The following DMD variants were observed in gnomAD, a reference collection of about 807,000 sequenced individuals.
The protein encoded by DMD is mutant dystrophin.
In DMD, 63 loss-of-function variants were observed where a neutral mutation model predicts 330.1. The observed-to-expected ratio is 0.19, with a 90% CI of 0.16 to 0.24. The LOEUF (loss-of-function observed/expected upper bound fraction) is 0.24, where lower values mean the gene tolerates loss of function less well. Ranked by LOEUF, DMD falls within the 10% of genes least tolerant of loss-of-function variation. DMD has a pLI of 1.00. For synonymous variants in DMD, 1,223 were observed against 959.8 expected, an observed-to-expected ratio of 1.27 and a Z score of -5.07; for missense variants, 3,344 against 2,684.1, an observed-to-expected ratio of 1.25 and a Z score of -5.43.
At chrX:32,180,386 C>G (rs1174614253) in intron 44 of DMD, among the ~76,000 whole-genome samples, 1 of 111,481 alleles carries the variant, frequency 9.0e-6, no homozygotes, top group African/African-American at 3.3e-5. Context: ...GAAATACAGA[C>G]CTGGTTTGGA....
intron 44 of DMD, among the ~76,000 whole-genome samples, chrX:32,171,925 G>GA (rs933968948): frequency 1.8e-5 from 2 of 111,114 alleles, no homozygotes; most frequent in Admixed American, 9.6e-5. Flanking sequence ...GATCATTAAA[G>GA]AAAAAAATCA....
At chrX:32,190,384 G>A (rs1316574627) in intron 44 of DMD, among the ~76,000 whole-genome samples, 9 of 107,983 alleles carry the variant, frequency 8.3e-5, no homozygotes, top group African/African-American at 2.7e-4. Flanking sequence ...ATGCTATACC[G>A]CCTGTGCCTT....
At chrX:32,096,490 A>G (rs946805075) in intron 44 of DMD, among the ~76,000 whole-genome samples, 3 of 111,306 alleles carry the variant, frequency 2.7e-5, no homozygotes, top group East Asian at 5.6e-4. Context: ...GGCCATGCTT[A>G]GGAGACACTG....
At position 32,296,189 on chromosome X, in the gene DMD, C is replaced by T. The variant is rs182600300; in HGVS notation, c.6118-8488G>A. 3.3e-4 allele frequency among the ~76,000 whole-genome samples: 37 copies of T among 110,449 alleles called. No homozygotes were observed. The East Asian group carries it at 9.4e-3, about 28-fold the overall frequency. Reference sequence around the variant, plus strand: ...GGTGGATCACTTTAGGACAGGAGTTCGAGACCAGCCTGACCAACATGTGAA... The same window carrying T: ...GGTGGATCACTTTAGGACAGGAGTTTGAGACCAGCCTGACCAACATGTGAA... On this transcript the variant is annotated intron_variant, in intron 42 of 78. Transcript: ENST00000357033.
At chrX:31,914,117 T>C (rs1369358291) in intron 47 of DMD, among the ~76,000 whole-genome samples, 1 of 112,141 alleles carries the variant, frequency 8.9e-6, no homozygotes, top group Admixed American at 9.5e-5. Context: ...TTAGCTTACA[T>C]TTGAAAACTC....
At chrX:31,751,934 G>A (rs902973698) in intron 51 of DMD, among the ~76,000 whole-genome samples, 14 of 112,277 alleles carry the variant, frequency 1.2e-4, no homozygotes, top group Middle Eastern at 4.6e-3. Flanking sequence ...AAGGGATGTA[G>A]GGGAGGATTC....
At chrX:32,679,399 C>T (rs2062206769) in intron 9 of DMD, among the ~76,000 whole-genome samples, 1 of 110,657 alleles carries the variant, frequency 9.0e-6, no homozygotes, top group African/African-American at 3.3e-5. Context: ...CCACAATATG[C>T]AATTCAGATT....
chrX:32,433,972 T>C (rs2098249190), intron 29 of DMD, among the ~76,000 whole-genome samples: 1 of 111,808 alleles, frequency 8.9e-6, no homozygotes, highest in Non-Finnish European at 1.9e-5. Flanking sequence ...GAGTAGAAAA[T>C]ATAGTGCTAT....
chrX:33,005,065 G>A (rs1441413032), intron 2 of DMD, among the ~76,000 whole-genome samples: 2 of 110,775 alleles, frequency 1.8e-5, no homozygotes, highest in Non-Finnish European at 3.8e-5. Context: ...AATTCTATCT[G>A]TAAATTGGGA....
chrX:32,636,794 C>A (rs1046926109), intron 11 of DMD, among the ~76,000 whole-genome samples: 2 of 109,856 alleles, frequency 1.8e-5, no homozygotes, highest in Non-Finnish European at 3.8e-5. Context: ...GTCAGGAGGT[C>A]GAGACCATCC....
chrX:32,713,224 C>T (rs1025988533), intron 7 of DMD, among the ~76,000 whole-genome samples: 6 of 111,793 alleles, frequency 5.4e-5, no homozygotes, highest in African/African-American at 1.9e-4. Flanking sequence ...CTGAATCCCT[C>T]TTACCATTCA....
At chrX:31,331,149 C>G (rs185454783) in intron 61 of DMD, among the ~76,000 whole-genome samples, 32 of 111,647 alleles carry the variant, frequency 2.9e-4, no homozygotes, top group African/African-American at 8.5e-4. Flanking sequence ...ACTAAAATTC[C>G]TAACGAATAA....
intron 52 of DMD, among the ~76,000 whole-genome samples, chrX:31,711,085 A>T (rs201888094): frequency 9.9e-6 from 1 of 101,082 alleles, no homozygotes; most frequent in African/African-American, 3.7e-5. Flanking sequence ...TTGGCTCCAG[A>T]CCAAAAAAAA....
intron 44 of DMD, among the ~76,000 whole-genome samples, chrX:32,203,407 C>G (rs1896946864): frequency 8.9e-6 from 1 of 112,075 alleles, no homozygotes; most frequent in African/African-American, 3.2e-5. Flanking sequence ...AACTTTTGGT[C>G]TGCAGCACTG....
At chrX:31,538,660 G>T (rs1253559164) in intron 55 of DMD, among the ~76,000 whole-genome samples, 1 of 112,006 alleles carries the variant, frequency 8.9e-6, no homozygotes, top group Admixed American at 9.5e-5. Flanking sequence ...AAAAGACATT[G>T]TTTCATAAAA....
chrX:33,100,095 A>C (rs2095222232), intron 1 of DMD, among the ~76,000 whole-genome samples: 1 of 112,096 alleles, frequency 8.9e-6, no homozygotes, highest in African/African-American at 3.2e-5. Flanking sequence ...ACTCAAGGAC[A>C]CTGGAAGAGA....
chrX:32,732,934 G>A (rs1320518650), intron 7 of DMD, among the ~76,000 whole-genome samples: 5 of 111,051 alleles, frequency 4.5e-5, no homozygotes, highest in South Asian at 3.8e-4. Flanking sequence ...AATGTAAATG[G>A]GCTAAATGCT....
At chrX:32,755,978 T>G (rs1456369876) in intron 7 of DMD, among the ~76,000 whole-genome samples, 1 of 112,714 alleles carries the variant, frequency 8.9e-6, no homozygotes, top group African/African-American at 3.2e-5. Context: ...TATTAAGGTC[T>G]TACTACCTGT....
intron 11 of DMD, among the ~76,000 whole-genome samples, chrX:32,624,188 C>T (rs1428604613): frequency 8.9e-6 from 1 of 111,862 alleles, no homozygotes; most frequent in Non-Finnish European, 1.9e-5. Context: ...ATTTTATATC[C>T]TTCAAGTCGT....
Sources: allele counts gnomAD v4.1 joint callset (sites outside exome capture counted in the v4.1 genomes callset), GRCh38; gene constraint gnomAD v4.1.1; transcripts MANE v1.5; gene names NCBI Gene and HGNC (gene_info 2026-07-23, HGNC 2026-07-21).